Variants in ZRANB3 observed in about 807,000 individuals in gnomAD.
ZRANB3 encodes the protein zinc finger RANBP2-type containing 3.
Under a neutral mutation model 133.8 loss-of-function variants are expected in ZRANB3, and 125 were observed. That is an observed-to-expected ratio of 0.93 (90% CI 0.81 to 1.08). ZRANB3 has a LOEUF of 1.08. ZRANB3 is among the 50% of genes least tolerant of loss of function. The pLI, the probability that ZRANB3 is intolerant of heterozygous loss-of-function variation, is 0.00. For missense variants in ZRANB3, 1,229 were observed against 1,275.5 expected, an observed-to-expected ratio of 0.96 and a Z score of 0.56; for synonymous variants, 387 against 432.7, an observed-to-expected ratio of 0.89 and a Z score of 1.31.
chr2:135,427,292 T>C (rs982208522), intron 2 of ZRANB3, among the ~76,000 whole-genome samples: 1 of 152,108 alleles, frequency 6.6e-6, no homozygotes, highest in Non-Finnish European at 1.5e-5. Context: ...TTGCAGATGA[T>C]ATAATTCTAT....
At chr2:135,510,558 A>G in intron 1 of ZRANB3, 1 of 683,862 alleles carries the variant, frequency 1.5e-6, no homozygotes, top group Non-Finnish European at 2.7e-6. Flanking sequence ...ACTGCCATGG[A>G]GCAAGCCTTC....
intron 8 of ZRANB3, among the ~76,000 whole-genome samples, chr2:135,291,241 G>A (rs897985776): frequency 1.3e-4 from 19 of 152,000 alleles, no homozygotes; most frequent in African/African-American, 4.6e-4. Flanking sequence ...TGAGTGCAGT[G>A]GCATGATCTT....
rs1693518088 is a variant in ZRANB3 at position 135,199,230 on chromosome 2, G to A, written c.*1112C>T. On this transcript the variant is annotated 3_prime_UTR_variant, in exon 21 of 21. Coordinates refer to ENST00000264159, the MANE Select transcript of ZRANB3 (RefSeq NM_032143.4). ...AGAAACATACCTTTAATAACACAGG[G>A]TTTTAAAAACAGAAAATGAGAACCA... The A allele has an allele frequency of 6.6e-6, 1 of 151,784 alleles. No homozygotes were observed. The highest frequency in any genetic ancestry group is 1.5e-5 in the Non-Finnish European group (1 of 67,988). The allele number at this position is 151,784 out of a possible 1,614,324, so 9.4% of individuals were successfully genotyped here.
chr2:135,370,254 T>C (rs1227720530), intron 3 of ZRANB3, among the ~76,000 whole-genome samples: 1 of 151,940 alleles, frequency 6.6e-6, no homozygotes, highest in African/African-American at 2.4e-5. Context: ...TAGTGGTGAT[T>C]TGTGAGATTT....
rs187482333 is a variant in ZRANB3 at position 135,409,565 on chromosome 2, G to A, written c.162-18745C>T. Among the ~76,000 whole-genome samples the A allele has an allele frequency of 2.9e-4, 44 of 152,118 alleles. No homozygotes were observed. In the East Asian group the frequency reaches 6.6e-3, roughly 23 times the overall value. ...GGGGAAAAGCTGAAAGTGTTCCACC[G>A]AAGAACTGGAACGAGACTAAGATGT... On this transcript the variant is annotated intron_variant, in intron 2 of 20. Coordinates refer to ENST00000264159, the MANE Select transcript of ZRANB3 (RefSeq NM_032143.4).
chr2:135,488,770 T>C (rs1218361957), intron 2 of ZRANB3, among the ~76,000 whole-genome samples: 1 of 151,900 alleles, frequency 6.6e-6, no homozygotes, highest in East Asian at 1.9e-4. Context: ...CCACAATATA[T>C]GCAAAGCACA....
intron 2 of ZRANB3, among the ~76,000 whole-genome samples, chr2:135,403,762 G>A (rs1687861503): frequency 6.6e-6 from 1 of 152,148 alleles, no homozygotes; most frequent in Admixed American, 6.5e-5. Flanking sequence ...AACTTCCAGA[G>A]GAAGGATCTG....
intron 2 of ZRANB3, among the ~76,000 whole-genome samples, chr2:135,460,423 A>G (rs1258431276): frequency 6.6e-6 from 1 of 151,914 alleles, no homozygotes; most frequent in Non-Finnish European, 1.5e-5. Context: ...CACCACGCCC[A>G]GCTAATTTTT....
At chr2:135,506,052 G>C (rs1484161889) in intron 1 of ZRANB3, among the ~76,000 whole-genome samples, 1 of 152,070 alleles carries the variant, frequency 6.6e-6, no homozygotes, top group Non-Finnish European at 1.5e-5. Context: ...TCACTGCAAA[G>C]GACCCAAATT....
At chr2:135,372,786 C>CAAAA (rs536156455) in intron 3 of ZRANB3, among the ~76,000 whole-genome samples, 1 of 53,780 alleles carries the variant, frequency 1.9e-5, no homozygotes, top group Admixed American at 2.2e-4. Context: ...GACTCCATCT[C>CAAAA]AAAAAAAAAA....
At chr2:135,439,072 T>C (rs956414697) in intron 2 of ZRANB3, among the ~76,000 whole-genome samples, 2 of 152,216 alleles carry the variant, frequency 1.3e-5, no homozygotes, top group Admixed American at 1.3e-4. Context: ...ATAGCAAATA[T>C]GGATACTATA....
chr2:135,408,895 C>T (rs1688174073), intron 2 of ZRANB3, among the ~76,000 whole-genome samples: 1 of 151,964 alleles, frequency 6.6e-6, no homozygotes, highest in South Asian at 2.1e-4. Flanking sequence ...TTAGTGGGTG[C>T]AGCACGCCAA....
chr2:135,346,087 C>CTTTTG (rs1465304214), intron 5 of ZRANB3, among the ~76,000 whole-genome samples: 1 of 151,930 alleles, frequency 6.6e-6, no homozygotes, highest in Non-Finnish European at 1.5e-5. Flanking sequence ...CTATTTCTAG[C>CTTTTG]TTTTGTTTTG....
intron 3 of ZRANB3, among the ~76,000 whole-genome samples, chr2:135,370,122 G>A (rs535407961): frequency 6.0e-5 from 9 of 149,276 alleles, no homozygotes; most frequent in South Asian, 2.1e-4. Flanking sequence ...TTTGAGGGAC[G>A]TGGCTTAAAC....
At position 135,217,473 on chromosome 2, in the gene ZRANB3, G is replaced by A. The variant is rs766306149; in HGVS notation, c.2487C>T (p.Cys829=). 4 of 1,605,712 alleles carry A rather than the reference G, an allele frequency of 2.5e-6. No homozygotes were observed. The highest frequency in any genetic ancestry group is 1.1e-5 in the South Asian group (1 of 88,444). ...EITKQQTKQN[C]TKRYITKEDV... ...AAAAAGACAACTCATACCTTTTGGT[G>A]CAATTTTGTTTGGTTTGTTGCTTTG... Residue 829 remains cysteine (C), a synonymous_variant, in exon 17 of 21, where the codon TGC becomes TGT. Transcript: ENST00000264159.
At position 135,523,797 on chromosome 2, in the gene ZRANB3, G is replaced by A. The variant is rs537234542; in HGVS notation, c.-8+7330C>T. 2.0e-5 allele frequency among the ~76,000 whole-genome samples: 3 copies of A among 152,306 alleles called. No homozygotes were observed. In the East Asian group the frequency reaches 5.8e-4, roughly 29 times the overall value. On this transcript the variant is annotated intron_variant, in intron 1 of 20. Transcript: ENST00000264159. ...TTATTCAGTACCTCTTTCAGTAGATGCTCAGTAAATATTCCCTGAGCAAAT... is the reference window on the plus strand; with the variant it reads ...TTATTCAGTACCTCTTTCAGTAGATACTCAGTAAATATTCCCTGAGCAAAT...
chr2:135,246,512 T>C (rs1695809324), intron 12 of ZRANB3, among the ~76,000 whole-genome samples: 1 of 152,140 alleles, frequency 6.6e-6, no homozygotes, highest in Admixed American at 6.5e-5. Context: ...CCCAAAAAAA[T>C]GCATATTTTC....
intron 2 of ZRANB3, among the ~76,000 whole-genome samples, chr2:135,406,068 C>A (rs1031255683): frequency 9.9e-5 from 15 of 152,162 alleles, no homozygotes; most frequent in Middle Eastern, 3.4e-3. Context: ...AATTGATAGA[C>A]CGCTAGCAAG....
chr2:135,483,403 G>A (rs539574625), intron 2 of ZRANB3, among the ~76,000 whole-genome samples: 132 of 152,188 alleles, frequency 8.7e-4, no homozygotes, highest in Admixed American at 3.3e-3. Flanking sequence ...GTTTATTTGC[G>A]TAGAGGTGTT....
Sources: allele counts gnomAD v4.1 joint callset (sites outside exome capture counted in the v4.1 genomes callset), GRCh38; gene constraint gnomAD v4.1.1; transcripts MANE v1.5; gene names NCBI Gene and HGNC (gene_info 2026-07-23, HGNC 2026-07-21).